The following ITGAX variants were observed in gnomAD, a reference collection of about 807,000 sequenced individuals.
ITGAX encodes the protein integrin alpha-X.
Under a neutral mutation model 140.2 loss-of-function variants are expected in ITGAX, and 99 were observed. The ratio of observed to expected loss-of-function variants is 0.71; its 90% CI spans 0.60 to 0.83. The LOEUF is 0.83. Among genes scored for constraint, ITGAX ranks in the 40% least tolerant of loss-of-function variants. The pLI is 0.00. For synonymous variants in ITGAX, 631 were observed against 600.4 expected (o/e 1.05, Z -0.75); for missense variants, 1,444 against 1,482.0 (o/e 0.97, Z 0.42).
In ITGAX at chr16:31,356,760, C is replaced by T. The variant is rs145679140; in HGVS notation, c.247+32C>T. The T allele has an allele frequency of 1.0e-4, 157 of 1,495,594 alleles. No homozygotes were observed. The African/African-American group carries it at 1.9e-3, about 18-fold the overall frequency. The allele number at this position is 1,495,594 out of a possible 1,614,324, so 92.6% of individuals were successfully genotyped here. A position where few individuals can be genotyped will look rare whatever the true frequency, so the allele number is the denominator to read the frequency against. On this transcript the variant is annotated intron_variant, in intron 3 of 29. Transcript: ENST00000268296. ...CACCGCCCCTCCCGGGACCCAGGGC[C>T]GGGCTCCCAGGCTTCCCTGCTCCAG...
intron 28 of ITGAX, 133 bp from the exon 29 acceptor site, chr16:31,380,764 G>C: frequency 3.9e-6 from 5 of 1,266,596 alleles, no homozygotes; most frequent in Non-Finnish European, 4.5e-6. Flanking sequence ...CTAAGGGCAC[G>C]GGTGCTGCTG....
At position 31,368,675 on chromosome 16, in the gene ITGAX, T is replaced by C. The variant is rs1567301891; in HGVS notation, c.1711-2409T>C. Among the ~76,000 whole-genome samples, 3 of 151,974 alleles carry C rather than the reference T, an allele frequency of 2.0e-5. 1 individual carries two copies. Among genetic ancestry groups the C allele is most frequent in the Admixed American group, 1.3e-4 (2 of 15,236 alleles). On this transcript the variant is annotated intron_variant, in intron 14 of 29. Transcript: ENST00000268296. ...CGCAGAGGGGGATTTCGCAGGGTCA[T>C]AGGACAATAGTGGAGGGAAGGTCAG...
In ITGAX at chr16:31,362,085, T is replaced by G; in HGVS notation, c.1097T>G (p.Val366Gly). ...FSAVFTPDGP[V>G]LGAVGSFTWS... ...ATCCTTTTCTCCCAGGATGGCCCCG[T>G]TCTGGGGGCTGTGGGGAGCTTCACC... Residue 366 changes from valine (V) to glycine (G), a missense_variant, in exon 11 of 30, where the codon GTT becomes GGT. Transcript: ENST00000268296. The G allele has an allele frequency of 6.2e-7, 1 of 1,614,072 alleles. No homozygotes were observed. The highest frequency in any genetic ancestry group is 1.3e-5 in the African/African-American group (1 of 75,008).
At chr16:31,372,287 T>G in intron 17 of ITGAX, 91 bp from the exon 18 acceptor site, 2 of 1,477,106 alleles carry the variant, frequency 1.4e-6, no homozygotes, top group Non-Finnish European at 1.8e-6. Flanking sequence ...GCGCGGGAGC[T>G]GGGCAGAGGC....
chr16:31,356,764 C>A, intron 3 of ITGAX, 36 bp downstream of exon 3: 1 of 1,448,924 alleles, frequency 6.9e-7, no homozygotes, highest in Non-Finnish European at 9.5e-7. Context: ...CAGGGCCGGG[C>A]TCCCAGGCTT....
chr16:31,376,562 C>A (rs529276188), intron 20 of ITGAX, among the ~76,000 whole-genome samples: 1 of 152,284 alleles, frequency 6.6e-6, no homozygotes, highest in South Asian at 2.1e-4. Context: ...GAGTTTGAGG[C>A]TGCAGTGAGC....
Position 31,379,832 on chromosome 16 carries a change from G to T in ITGAX, c.2944G>T (p.Val982Leu). The part of the protein sequence containing the change: ...WVPVELNQEA[V>L]WMDVEVSHPQ... ...GCCTGTGGAGCTGAACCAGGAGGCT[G>T]TGTGGATGGATGTGGAGGTCTCCCA... Residue 982 changes from valine to leucine, a missense_variant, in exon 25 of 30, where the codon GTG (valine) becomes TTG (leucine). Val to Leu is a conservative substitution (Grantham distance 32, BLOSUM62 1). Transcript: ENST00000268296. 1.2e-6 allele frequency: 2 copies of T among 1,614,230 alleles called. No individual in the cohort carries two copies. Among genetic ancestry groups the T allele is most frequent in the Non-Finnish European group, 1.7e-6 (2 of 1,180,034 alleles).
rs1276556611 is a variant in ITGAX at position 31,371,798 on chromosome 16, T to A, written c.2160+14T>A. ...CTGCTGCTCCCGGTGCGTCTGGGCA[T>A]GAACGTGGGTGGCGGCCGCGCTGGG... is the stretch of plus-strand genomic sequence containing the variant. On this transcript the variant is annotated intron_variant, in intron 17 of 29. Transcript: ENST00000268296. 3.7e-6 allele frequency: 6 copies of A among 1,612,668 alleles called. No individual in the cohort carries two copies. The highest frequency in any genetic ancestry group is 1.3e-5 in the African/African-American group (1 of 74,904).
chr16:31,369,208 C>G (rs2080926706), intron 14 of ITGAX, among the ~76,000 whole-genome samples: 1 of 151,518 alleles, frequency 6.6e-6, no homozygotes, highest in African/African-American at 2.4e-5. Flanking sequence ...CCCTCACCTC[C>G]CGGACGGGGC....
In ITGAX at chr16:31,371,473, C is replaced by G; in HGVS notation, c.1981C>G (p.Arg661Gly). The G allele has an allele frequency of 6.2e-7, 1 of 1,614,088 alleles. No homozygotes were observed. The highest frequency in any genetic ancestry group is 8.5e-7 in the Non-Finnish European group (1 of 1,179,974). Residue 661 changes from arginine (R) to glycine (G), a missense_variant, in exon 16 of 30, where the codon CGT (arginine) becomes GGT (glycine). Arg to Gly is a moderately radical substitution (Grantham distance 125). Transcript: ENST00000268296. ...CAACATCTGCCTTTACATTGACAAACGTTCTAAGAACCTGCTTGGGAGCCG... is the reference window on the plus strand; with the variant it reads ...CAACATCTGCCTTTACATTGACAAAGGTTCTAAGAACCTGCTTGGGAGCCG... ...QSNICLYIDK[R>G]SKNLLGSRDL... is the part of the protein sequence containing the mutation.
At position 31,360,000 on chromosome 16, in the gene ITGAX, C is replaced by T. The variant is rs776735511; in HGVS notation, c.642C>T (p.Ser214=). ...EEFRRSSNPL[S]LLASVHQLQG... is the part of the protein sequence containing the mutation. ...TCAGGCGCAGCTCAAACCCCCTCAG[C>T]CTGTTGGCTTCTGTTCACCAGCTGC... Residue 214 remains serine, a synonymous_variant, in exon 7 of 30, where the codon AGC becomes AGT. Coordinates refer to ENST00000268296, the MANE Select transcript of ITGAX (RefSeq NM_000887.5). The T allele has an allele frequency of 3.1e-6, 5 of 1,613,928 alleles. No homozygotes were observed. The highest frequency in any genetic ancestry group is 4.5e-5 in the East Asian group (2 of 44,894).
chr16:31,382,603 A>T lies in ITGAX; in HGVS notation c.*696A>T, dbSNP rs1039633091. 4.2e-6 allele frequency: 3 copies of T among 713,594 alleles called. No homozygotes were observed. In the African/African-American group the frequency reaches 5.2e-5, roughly 12 times the overall value. 44.2% of individuals were successfully genotyped at this position (713,594 alleles called of 1,614,324 possible). A position where few individuals can be genotyped will look rare whatever the true frequency, so the allele number is the denominator to read the frequency against. On this transcript the variant is annotated 3_prime_UTR_variant, in exon 30 of 30. Coordinates refer to ENST00000268296, the MANE Select transcript of ITGAX (RefSeq NM_000887.5). The stretch of plus-strand genomic sequence containing the variant: ...CCATCACCCTCGTTTCCAGTGAATT[A>T]GTGTCATGTCAGCATCAGCTCAGGG...
In ITGAX at chr16:31,371,267, G is replaced by A. The variant is rs540305012; in HGVS notation, c.1841+53G>A. 72 of 1,606,770 alleles carry A rather than the reference G, an allele frequency of 4.5e-5. No homozygotes were observed. In the South Asian group the frequency reaches 6.2e-4, roughly 14 times the overall value. On this transcript the variant is annotated intron_variant, in intron 15 of 29. Transcript: ENST00000268296. ...CCAGGTGGTCCTAGGTTCAGATGGG[G>A]GTGCCCACCCCACGTGGTGCTCCCA...
chr16:31,359,868 G>A lies in ITGAX; in HGVS notation c.561+38G>A, dbSNP rs371816178. On this transcript the variant is annotated intron_variant, in intron 6 of 29. Coordinates refer to ENST00000268296, the MANE Select transcript of ITGAX (RefSeq NM_000887.5). ...GGGAGGGAGGCTGCTGGGGGTGGGT[G>A]CTTCGATCCTGGTGAAATGGCCTCA... 3.1e-6 allele frequency: 5 copies of A among 1,613,868 alleles called. No homozygotes were observed. The African/African-American group carries it at 5.3e-5, about 17-fold the overall frequency.
chr16:31,375,306 G>A (rs547128880), intron 20 of ITGAX, among the ~76,000 whole-genome samples: 1 of 152,264 alleles, frequency 6.6e-6, no homozygotes, highest in Admixed American at 6.5e-5. Context: ...GTAAGCCACG[G>A]AGCCTAGCCC....
At chr16:31,355,383 C>G in intron 1 of ITGAX, 92 bp downstream of exon 1, 1 of 1,394,234 alleles carries the variant, frequency 7.2e-7, no homozygotes. Context: ...GGGTTAGGAT[C>G]TGGGTAGGAA....
Position 31,362,735 on chromosome 16 carries a change from C to T in ITGAX, c.1341C>T (p.Ala447=), listed in dbSNP as rs758828369. ...TQVSRQWRMK[A]EVTGTQIGSY... is the part of the protein sequence containing the mutation. ...TGTCCAGGCAATGGAGGATGAAGGC[C>T]GAAGTCACGGGGACTCAGGTTGGGC... Residue 447 remains alanine, a synonymous_variant, in exon 12 of 30, where the codon GCC becomes GCT. Coordinates refer to ENST00000268296, the MANE Select transcript of ITGAX (RefSeq NM_000887.5). The T allele has an allele frequency of 1.6e-5, 26 of 1,613,566 alleles. No homozygotes were observed. In the East Asian group the frequency reaches 2.0e-4, roughly 12 times the overall value.
At chr16:31,358,547 A>C (rs964300509) in intron 5 of ITGAX, 1 of 151,982 alleles carries the variant, frequency 6.6e-6, no homozygotes, top group African/African-American at 2.4e-5. Flanking sequence ...GGCTGTAGGG[A>C]GCTTTGATCA....
chr16:31,361,546 T>C, intron 9 of ITGAX: 1 of 700,180 alleles, frequency 1.4e-6, no homozygotes, highest in Middle Eastern at 2.7e-4. Flanking sequence ...CACCAGCCAC[T>C]CACTCCCCTG....
Sources: gnomAD v4.1 joint callset for allele counts (sites outside exome capture counted in the v4.1 genomes callset) on GRCh38, gnomAD v4.1.1 for gene constraint, MANE v1.5 for transcripts, NCBI Gene and HGNC (gene_info 2026-07-23, HGNC 2026-07-21) for gene names.